ESRRG: variants seen among roughly 807,000 people sequenced by gnomAD.
ESRRG encodes estrogen-related receptor gamma.
A neutral mutation model predicts 44.0 loss-of-function variants in ESRRG; 13 were observed. The observed-to-expected ratio is 0.30, with a 90% CI of 0.19 to 0.47. The LOEUF is 0.47. Ranked by LOEUF, ESRRG falls within the 20% of genes least tolerant of loss-of-function variation. The probability of loss-of-function intolerance (pLI) is 1.00; values close to 1 mark genes in which losing one functional copy is unlikely to be tolerated. For synonymous variants in ESRRG, 215 were observed against 214.6 expected (o/e 1.00, Z -0.02); for missense variants, 395 against 580.6 (o/e 0.68, Z 3.29).
chr1:216,885,459 T>A (rs547757191), intron 2 of ESRRG, among the ~76,000 whole-genome samples: 147 of 152,158 alleles, frequency 9.7e-4, no homozygotes, highest in African/African-American at 3.4e-3. Context: ...GAACCACTAG[T>A]CTGAGCAGTT....
intron 3 of ESRRG, among the ~76,000 whole-genome samples, chr1:216,614,140 G>A (rs1217491119): frequency 1.3e-5 from 2 of 152,210 alleles, no homozygotes; most frequent in Non-Finnish European, 1.5e-5. Flanking sequence ...CAGATCAGCA[G>A]TGCAGTGCAT....
chr1:216,795,789 C>T (rs149935420), intron 2 of ESRRG, among the ~76,000 whole-genome samples: 164 of 152,104 alleles, frequency 1.1e-3, no homozygotes, highest in Middle Eastern at 6.8e-3. Context: ...AACAAGGAGA[C>T]AAAAACAGAA....
intron 2 of ESRRG, among the ~76,000 whole-genome samples, chr1:216,814,146 C>T (rs892287971): frequency 2.0e-5 from 3 of 152,084 alleles, no homozygotes; most frequent in Non-Finnish European, 4.4e-5. Context: ...CTTCTCTCCC[C>T]ACCACAATGC....
intron 1 of ESRRG, among the ~76,000 whole-genome samples, chr1:217,032,705 G>C (rs2082252780): frequency 6.6e-6 from 1 of 152,158 alleles, no homozygotes; most frequent in African/African-American, 2.4e-5. Flanking sequence ...TGGATGAAAT[G>C]ATAGTACATA....
At chr1:216,647,830 C>T (rs537305649) in intron 3 of ESRRG, among the ~76,000 whole-genome samples, 4 of 152,254 alleles carry the variant, frequency 2.6e-5, no homozygotes, top group East Asian at 1.9e-4. Context: ...TGGATTTGGC[C>T]AGTTGAATAA....
At position 216,567,194 on chromosome 1, in the gene ESRRG, C is replaced by T. The variant is rs577424663; in HGVS notation, c.700+794G>A. On this transcript the variant is annotated intron_variant, in intron 4 of 6. Transcript: ENST00000408911. ...GCGCTCCTCCATGCCCAGTAGGATCCCTATTCATAAACATCCTAAAACGCT... is the reference window on the plus strand; with the variant it reads ...GCGCTCCTCCATGCCCAGTAGGATCTCTATTCATAAACATCCTAAAACGCT... 2.0e-5 allele frequency among the ~76,000 whole-genome samples: 3 copies of T among 152,248 alleles called. No individual in the cohort carries two copies. In the South Asian group the frequency reaches 6.2e-4, roughly 32 times the overall value.
intron 1 of ESRRG, among the ~76,000 whole-genome samples, chr1:216,973,866 T>C (rs2072283389): frequency 6.6e-6 from 1 of 150,584 alleles, no homozygotes; most frequent in Non-Finnish European, 1.5e-5. Flanking sequence ...AATGAATGAA[T>C]AGATGAATCC....
intron 2 of ESRRG, among the ~76,000 whole-genome samples, chr1:216,933,872 T>G: frequency 6.6e-6 from 1 of 152,030 alleles, no homozygotes. Flanking sequence ...TAGCTTTGCC[T>G]CCCTCCTGGT....
intron 2 of ESRRG, among the ~76,000 whole-genome samples, chr1:216,834,466 A>G (rs1475494324): frequency 6.6e-6 from 1 of 152,216 alleles, no homozygotes. Context: ...TATAAAGGAC[A>G]AATAAAGAAA....
chr1:217,027,241 G>A (rs979195482), intron 1 of ESRRG, among the ~76,000 whole-genome samples: 5 of 152,044 alleles, frequency 3.3e-5, no homozygotes, highest in African/African-American at 1.2e-4. Flanking sequence ...CCAGTAACCA[G>A]AAAAGAATAA....
intron 1 of ESRRG, among the ~76,000 whole-genome samples, chr1:216,958,246 A>G (rs1355823691): frequency 6.6e-6 from 1 of 152,192 alleles, no homozygotes; most frequent in African/African-American, 2.4e-5. Context: ...AACACTGCAC[A>G]AAGCTTTTTT....
At chr1:216,943,322 C>T (rs1416746210) in intron 1 of ESRRG, among the ~76,000 whole-genome samples, 1 of 152,172 alleles carries the variant, frequency 6.6e-6, no homozygotes. Flanking sequence ...ACCATCCCTA[C>T]CATCACCCTC....
intron 2 of ESRRG, among the ~76,000 whole-genome samples, chr1:216,934,901 T>C (rs973636417): frequency 2.0e-5 from 3 of 152,210 alleles, no homozygotes; most frequent in Non-Finnish European, 2.9e-5. Context: ...ACCACTATTT[T>C]ATACATTATA....
At chr1:217,079,223 A>G (rs919064469) in intron 1 of ESRRG, among the ~76,000 whole-genome samples, 2 of 152,226 alleles carry the variant, frequency 1.3e-5, no homozygotes, top group Admixed American at 6.5e-5. Flanking sequence ...TAACCACTTC[A>G]TTAACTGTGA....
At chr1:216,699,672 A>G (rs114810078) in intron 1 of ESRRG, among the ~76,000 whole-genome samples, 1,535 of 152,258 alleles carry the variant, frequency 0.01, 25 homozygotes, top group African/African-American at 0.035. Context: ...AAAAAATGGA[A>G]CGAGGGATGA....
At chr1:217,059,635 A>G (rs767876256) in intron 1 of ESRRG, among the ~76,000 whole-genome samples, 3 of 152,110 alleles carry the variant, frequency 2.0e-5, no homozygotes, top group African/African-American at 4.8e-5. Flanking sequence ...TTGAACTTCA[A>G]TAATGATTGT....
At chr1:217,133,067 C>A (rs1010529980) in intron 1 of ESRRG, among the ~76,000 whole-genome samples, 1 of 152,146 alleles carries the variant, frequency 6.6e-6, no homozygotes, top group Non-Finnish European at 1.5e-5. Flanking sequence ...AGACCCAGGG[C>A]TCTAGAGGTC....
intron 1 of ESRRG, among the ~76,000 whole-genome samples, chr1:216,995,332 C>A (rs1222984584): frequency 6.6e-6 from 1 of 152,188 alleles, no homozygotes; most frequent in Non-Finnish European, 1.5e-5. Flanking sequence ...TGGTTTTCCT[C>A]CATTCATTCT....
chr1:216,620,050 G>A (rs2061977385), intron 3 of ESRRG, among the ~76,000 whole-genome samples: 1 of 152,040 alleles, frequency 6.6e-6, no homozygotes, highest in Non-Finnish European at 1.5e-5. Context: ...AATACATGTA[G>A]AGAAAAATTT....
Sources: allele counts gnomAD v4.1 joint callset (sites outside exome capture counted in the v4.1 genomes callset), GRCh38; gene constraint gnomAD v4.1.1; transcripts MANE v1.5; gene names NCBI Gene and HGNC (gene_info 2026-07-23, HGNC 2026-07-21).